The following PLSCR4 variants were observed in gnomAD, a reference collection of about 807,000 sequenced individuals.
PLSCR4 encodes phospholipid scramblase 4.
PLSCR4 carries 25 observed loss-of-function variants against 36.3 expected under a neutral mutation model. That is an observed-to-expected ratio of 0.69 (90% CI 0.50 to 0.96). The LOEUF is 0.96. Among genes scored for constraint, PLSCR4 ranks in the 40% least tolerant of loss-of-function variants. The pLI, the probability that PLSCR4 is intolerant of heterozygous loss-of-function variation, is 0.00. For synonymous variants in PLSCR4, 122 were observed against 132.9 expected, an observed-to-expected ratio of 0.92 and a Z score of 0.56; for missense variants, 408 against 414.7, an observed-to-expected ratio of 0.98 and a Z score of 0.14.
intron 4 of PLSCR4, among the ~76,000 whole-genome samples, chr3:146,203,310 C>A (rs1293827655): frequency 1.3e-5 from 2 of 151,970 alleles, no homozygotes; most frequent in Non-Finnish European, 2.9e-5. Flanking sequence ...TCTCCTTATA[C>A]GTCTCCATCA....
At chr3:146,203,711 C>A (rs1369214710) in intron 4 of PLSCR4, among the ~76,000 whole-genome samples, 5 of 152,066 alleles carry the variant, frequency 3.3e-5, no homozygotes, top group Non-Finnish European at 7.4e-5. Flanking sequence ...TCTCAGCCTA[C>A]ATAGAATTTA....
chr3:146,247,263 A>T (rs1310629729), intron 1 of PLSCR4, among the ~76,000 whole-genome samples: 2 of 152,152 alleles, frequency 1.3e-5, no homozygotes, highest in South Asian at 4.1e-4. Flanking sequence ...CTGATGGATC[A>T]AAGTTTTGTA....
At chr3:146,194,491 G>T in intron 8 of PLSCR4, 36 bp from the exon 9 acceptor site, 8 of 1,274,628 alleles carry the variant, frequency 6.3e-6, no homozygotes, top group Non-Finnish European at 9.2e-6. Flanking sequence ...TAGATATATA[G>T]ATAATTAGGT....
intron 1 of PLSCR4, among the ~76,000 whole-genome samples, chr3:146,234,363 G>GTTTTTAAAAAATTTTTT: frequency 6.6e-6 from 1 of 152,078 alleles, no homozygotes; most frequent in Non-Finnish European, 1.5e-5. Context: ...AAAATTCACA[G>GTTTTTAAAAAATTTTTT]TTTTTAAAAA....
chr3:146,195,070 T>C, intron 8 of PLSCR4, 54 bp downstream of exon 8: 1 of 1,509,574 alleles, frequency 6.6e-7, no homozygotes, highest in East Asian at 2.3e-5. Context: ...ACTATACTGC[T>C]TCTCCATCAG....
chr3:146,233,657 G>A (rs1024006878), intron 1 of PLSCR4, among the ~76,000 whole-genome samples: 21 of 152,028 alleles, frequency 1.4e-4, no homozygotes, highest in African/African-American at 4.3e-4. Context: ...GCTGACAGAG[G>A]TGAATATTAT....
intron 3 of PLSCR4, among the ~76,000 whole-genome samples, chr3:146,214,140 G>A (rs375311697): frequency 2.9e-4 from 1 of 3,434 alleles, no homozygotes; most frequent in Non-Finnish European, 6.4e-4. Context: ...TTTTTTTTTT[G>A]AGACGGAGTC....
At position 146,193,354 on chromosome 3, in the gene PLSCR4, G is replaced by A. The variant is rs2033513463; in HGVS notation, c.*1057C>T. On this transcript the variant is annotated 3_prime_UTR_variant, in exon 9 of 9. Coordinates refer to ENST00000354952, the MANE Select transcript of PLSCR4 (RefSeq NM_020353.3). ...ATTTGTCGCTTTCACTTTTTATAAA[G>A]TGCTACATAAAATGTCATATTTCCA... 1 of 152,016 alleles carries A rather than the reference G, an allele frequency of 6.6e-6. No homozygotes were observed. Among genetic ancestry groups the A allele is most frequent in the Non-Finnish European group, 1.5e-5 (1 of 68,006 alleles). The allele number at this position is 152,016 out of a possible 1,614,324, so 9.4% of individuals were successfully genotyped here.
chr3:146,217,532 G>T (rs967898866), intron 3 of PLSCR4, among the ~76,000 whole-genome samples: 1 of 152,228 alleles, frequency 6.6e-6, no homozygotes, highest in Admixed American at 6.5e-5. Flanking sequence ...TATGAGGTCA[G>T]ATTAGGCAGG....
chr3:146,219,349 G>A (rs2035033933), intron 3 of PLSCR4, among the ~76,000 whole-genome samples: 1 of 152,054 alleles, frequency 6.6e-6, no homozygotes, highest in Non-Finnish European at 1.5e-5. Flanking sequence ...TAGAGTAATT[G>A]GTAAATATAA....
Position 146,245,281 on chromosome 3 carries a change from C to A in PLSCR4, c.-22+5679G>T, listed in dbSNP as rs75279919. On this transcript the variant is annotated intron_variant, in intron 1 of 8. Coordinates refer to ENST00000354952, the MANE Select transcript of PLSCR4 (RefSeq NM_020353.3). ...GTTACAGATCTATGAAATTTTACCC[C>A]ATTCAGATAAAAACCTATCTGCTGT... Among the ~76,000 whole-genome samples, 609 of 152,166 alleles carry A rather than the reference C, an allele frequency of 4.0e-3. 2 individuals carry two copies. Among genetic ancestry groups the A allele is most frequent in the African/African-American group, 0.014 (581 of 41,542 alleles).
intron 3 of PLSCR4, among the ~76,000 whole-genome samples, chr3:146,219,838 G>C (rs1400276198): frequency 6.6e-6 from 1 of 152,158 alleles, no homozygotes; most frequent in African/African-American, 2.4e-5. Flanking sequence ...TACTCCGAAA[G>C]CTGATGCAGG....
intron 1 of PLSCR4, among the ~76,000 whole-genome samples, chr3:146,237,901 A>G (rs1172060228): frequency 6.6e-6 from 1 of 152,018 alleles, no homozygotes; most frequent in African/African-American, 2.4e-5. Flanking sequence ...CAAAAAAGCT[A>G]AAAATTGTTG....
At position 146,206,721 on chromosome 3, in the gene PLSCR4, TG is replaced by T; in HGVS notation, c.158del (p.Pro53GlnfsTer45). On this transcript the variant is annotated frameshift_variant, in exon 4 of 9. Coordinates refer to ENST00000354952, the MANE Select transcript of PLSCR4 (RefSeq NM_020353.3). LOFTEE classifies it high-confidence loss of function. ...TGTAGTATCCCATAGGCAAGCCTCC[TG>T]GGTAGCCAGTAGGTGGAGGGACAGC... ...GTAVPPPTGY[P>X]GGLPMGYYSP... 1 of 1,606,538 alleles carries T rather than the reference TG, an allele frequency of 6.2e-7. No homozygotes were observed. The highest frequency in any genetic ancestry group is 8.5e-7 in the Non-Finnish European group (1 of 1,175,908).
intron 3 of PLSCR4, among the ~76,000 whole-genome samples, chr3:146,217,818 A>G (rs1194344106): frequency 1.3e-5 from 2 of 152,190 alleles, no homozygotes; most frequent in Non-Finnish European, 2.9e-5. Flanking sequence ...GAAGCAGTCT[A>G]TAGGTGGTTG....
intron 6 of PLSCR4, among the ~76,000 whole-genome samples, chr3:146,197,152 C>T (rs549813978): frequency 1.3e-5 from 2 of 152,136 alleles, no homozygotes; most frequent in South Asian, 4.1e-4. Context: ...CTGAGGCTTG[C>T]AAGTGTTAAA....
At chr3:146,227,291 A>G (rs1017787509) in intron 1 of PLSCR4, among the ~76,000 whole-genome samples, 11 of 152,178 alleles carry the variant, frequency 7.2e-5, no homozygotes, top group Non-Finnish European at 1.6e-4. Context: ...ATATGCATAC[A>G]GGGGAATCTG....
At position 146,196,449 on chromosome 3, in the gene PLSCR4, T is replaced by C. The variant is rs574347536; in HGVS notation, c.786+183A>G. ...TGAAGTCATAAAAAAAGCTTTCATT[T>C]TGGAAAACCTCAATCTACTCACAAT... is the stretch of plus-strand genomic sequence containing the variant. On this transcript the variant is annotated intron_variant, in intron 7 of 8. Transcript: ENST00000354952. The C allele has an allele frequency of 1.0e-5, 6 of 575,708 alleles. No individual in the cohort carries two copies. In the South Asian group the frequency reaches 1.6e-4, roughly 15 times the overall value. The allele number at this position is 575,708 out of a possible 1,614,324, so 35.7% of individuals were successfully genotyped here.
intron 3 of PLSCR4, among the ~76,000 whole-genome samples, chr3:146,208,748 A>G (rs984279869): frequency 6.6e-6 from 1 of 152,108 alleles, no homozygotes; most frequent in Non-Finnish European, 1.5e-5. Flanking sequence ...GCCATAATCA[A>G]AAACTCAAAA....
Sources: gnomAD v4.1 joint callset for allele counts (sites outside exome capture counted in the v4.1 genomes callset) on GRCh38, gnomAD v4.1.1 for gene constraint, MANE v1.5 for transcripts, NCBI Gene and HGNC (gene_info 2026-07-23, HGNC 2026-07-21) for gene names.